Variants in CACNA2D1 observed in about 807,000 individuals in gnomAD.
CACNA2D1 encodes the protein calcium voltage-gated channel auxiliary subunit alpha2delta 1.
In CACNA2D1, 53 loss-of-function variants were observed where a neutral mutation model predicts 171.5. The ratio of observed to expected loss-of-function variants is 0.31; its 90% confidence interval spans 0.25 to 0.39. The LOEUF (loss-of-function observed/expected upper bound fraction) is 0.39. Among genes scored for constraint, CACNA2D1 ranks in the 10% least tolerant of loss-of-function variants. CACNA2D1 has a pLI of 1.00. For missense variants in CACNA2D1, 903 were observed against 1,299.8 expected (o/e 0.69, Z 4.69); for synonymous variants, 442 against 443.1 (o/e 1.00, Z 0.03).
At position 81,970,751 on chromosome 7, in the gene CACNA2D1, C is replaced by G. The variant is rs769145549; in HGVS notation, c.2142-14G>C. ...TTCACTCCCTTGCTGAAACAGAAGA[C>G]AAAACAAGGAAATGTTCTATTGAAC... On this transcript the variant is annotated splice_polypyrimidine_tract_variant and intron_variant, in intron 26 of 38. Transcript: ENST00000356860. 119 of 1,519,406 alleles carry G rather than the reference C, an allele frequency of 7.8e-5. No homozygotes were observed. In the South Asian group the frequency reaches 1.2e-3, roughly 15 times the overall value. 94.1% of individuals were successfully genotyped at this position (1,519,406 alleles called of 1,614,324 possible).
At chr7:82,093,476 T>A (rs1811477335) in intron 6 of CACNA2D1, among the ~76,000 whole-genome samples, 1 of 152,132 alleles carries the variant, frequency 6.6e-6, no homozygotes, top group Admixed American at 6.6e-5. Flanking sequence ...CTCAAGGAAC[T>A]TTTGCCCTTC....
chr7:82,418,775 G>A (rs1828428121), intron 1 of CACNA2D1, among the ~76,000 whole-genome samples: 1 of 152,098 alleles, frequency 6.6e-6, no homozygotes. Context: ...AGATGTTTTT[G>A]GTGTATCAGA....
chr7:82,033,472 T>C (rs547109831), intron 11 of CACNA2D1, among the ~76,000 whole-genome samples: 3 of 152,224 alleles, frequency 2.0e-5, no homozygotes, highest in African/African-American at 7.2e-5. Context: ...ATTTAAAATG[T>C]GTATCTTCAA....
At chr7:82,055,431 A>C (rs1805708916) in intron 10 of CACNA2D1, among the ~76,000 whole-genome samples, 1 of 152,120 alleles carries the variant, frequency 6.6e-6, no homozygotes, top group African/African-American at 2.4e-5. Flanking sequence ...CCAAAGGAAT[A>C]TAAATCATGC....
At chr7:82,112,658 T>C (rs1350262354) in intron 6 of CACNA2D1, among the ~76,000 whole-genome samples, 2 of 152,310 alleles carry the variant, frequency 1.3e-5, no homozygotes, top group East Asian at 3.9e-4. Flanking sequence ...CTGTTAAAGG[T>C]ATACTACCCA....
At chr7:82,288,599 A>G (rs1811142455) in intron 3 of CACNA2D1, among the ~76,000 whole-genome samples, 1 of 152,310 alleles carries the variant, frequency 6.6e-6, no homozygotes, top group Middle Eastern at 3.4e-3. Flanking sequence ...CTGATTTAAT[A>G]TTCCATATCT....
Position 82,012,253 on chromosome 7 carries a change from G to GAAA in CACNA2D1, c.1273-11_1273-10insTTT. On this transcript the variant is annotated splice_polypyrimidine_tract_variant and intron_variant, in intron 14 of 38. Transcript: ENST00000356860. ...AAACATCCAAATATTCCTGTTTATG[G>GAAA]GAAAAAAAAAAAAAGTCGTGGTTAA... The GAAA allele has an allele frequency of 3.9e-6, 5 of 1,297,814 alleles. No individual in the cohort carries two copies. The highest frequency in any genetic ancestry group is 4.1e-5 in the African/African-American group (2 of 48,830). The allele number at this position is 1,297,814 out of a possible 1,614,324, so 80.4% of individuals were successfully genotyped here.
chr7:82,420,600 A>G (rs1828621479), intron 1 of CACNA2D1, among the ~76,000 whole-genome samples: 1 of 152,196 alleles, frequency 6.6e-6, no homozygotes, highest in African/African-American at 2.4e-5. Flanking sequence ...ACTTAACTAG[A>G]CATAAGGTGG....
intron 1 of CACNA2D1, among the ~76,000 whole-genome samples, chr7:82,414,659 A>G (rs559024540): frequency 6.6e-6 from 1 of 152,222 alleles, no homozygotes; most frequent in Non-Finnish European, 1.5e-5. Flanking sequence ...TCAGGCTACA[A>G]GTGATTCTGA....
intron 3 of CACNA2D1, among the ~76,000 whole-genome samples, chr7:82,317,731 C>A (rs1815292757): frequency 6.6e-6 from 1 of 152,132 alleles, no homozygotes; most frequent in African/African-American, 2.4e-5. Context: ...CCCTGATTTT[C>A]CTTGCCAGAT....
At chr7:82,270,045 T>G (rs919795148) in intron 3 of CACNA2D1, among the ~76,000 whole-genome samples, 8 of 152,216 alleles carry the variant, frequency 5.3e-5, no homozygotes, top group African/African-American at 1.9e-4. Context: ...TATACAGTTC[T>G]GCATCATTGT....
chr7:82,113,903 G>C (rs1646447772), intron 6 of CACNA2D1, among the ~76,000 whole-genome samples: 1 of 152,140 alleles, frequency 6.6e-6, no homozygotes, highest in South Asian at 2.1e-4. Flanking sequence ...TTTCAGCAAA[G>C]ATGAAGATGC....
intron 3 of CACNA2D1, among the ~76,000 whole-genome samples, chr7:82,208,768 T>C (rs1288022655): frequency 6.6e-6 from 1 of 152,168 alleles, no homozygotes; most frequent in Non-Finnish European, 1.5e-5. Flanking sequence ...AGTTGCATTG[T>C]ACAACATGGT....
intron 1 of CACNA2D1, among the ~76,000 whole-genome samples, chr7:82,434,773 G>A (rs1359042014): frequency 6.6e-6 from 1 of 151,988 alleles, no homozygotes; most frequent in Non-Finnish European, 1.5e-5. Context: ...AACTCCTCAA[G>A]CCACTGAAAC....
chr7:82,441,556 T>C (rs1830503501), intron 1 of CACNA2D1, among the ~76,000 whole-genome samples: 1 of 152,174 alleles, frequency 6.6e-6, no homozygotes, highest in Non-Finnish European at 1.5e-5. Context: ...TTGATTTACT[T>C]ATAATTTTAG....
intron 2 of CACNA2D1, among the ~76,000 whole-genome samples, chr7:82,347,558 C>T (rs1354866617): frequency 6.6e-6 from 1 of 152,138 alleles, no homozygotes; most frequent in Admixed American, 6.5e-5. Context: ...CACCCCCAAT[C>T]TCAGCTCAAA....
chr7:81,980,172 CAAAAAAAAAA>C (rs35616922), intron 24 of CACNA2D1, among the ~76,000 whole-genome samples: 1,159 of 25,304 alleles, frequency 0.046, 4 homozygotes, highest in Admixed American at 0.071. Flanking sequence ...TAAAACCAAG[CAAAAAAAAAA>C]AAAAAAAAAA....
At chr7:82,219,942 C>T (rs553474083) in intron 3 of CACNA2D1, among the ~76,000 whole-genome samples, 25 of 152,022 alleles carry the variant, frequency 1.6e-4, no homozygotes, top group Non-Finnish European at 2.2e-4. Flanking sequence ...TACTTAGAAT[C>T]TTTATAAAAT....
intron 3 of CACNA2D1, among the ~76,000 whole-genome samples, chr7:82,332,287 C>T (rs1817399062): frequency 6.6e-6 from 1 of 152,044 alleles, no homozygotes; most frequent in Non-Finnish European, 1.5e-5. Context: ...ATCTTGAACT[C>T]CTGACCTCAG....
Sources: gnomAD v4.1 joint callset for allele counts (sites outside exome capture counted in the v4.1 genomes callset) on GRCh38, gnomAD v4.1.1 for gene constraint, MANE v1.5 for transcripts, NCBI Gene and HGNC (gene_info 2026-07-23, HGNC 2026-07-21) for gene names.